Variants in GABBR2 observed in about 807,000 individuals in gnomAD.
GABBR2 encodes the protein gamma-aminobutyric acid type B receptor subunit 2.
In GABBR2, 23 loss-of-function variants were observed where a neutral mutation model predicts 105.6. The observed-to-expected ratio is 0.22, with a 90% CI of 0.16 to 0.31. GABBR2 has a LOEUF of 0.31. GABBR2 is among the 10% of genes least tolerant of loss of function. The pLI is 1.00. For synonymous variants in GABBR2, 478 were observed against 499.7 expected (o/e 0.96, Z 0.58); for missense variants, 734 against 1,245.5 (o/e 0.59, Z 6.18).
At chr9:98,665,978 C>T (rs953281221) in intron 1 of GABBR2, among the ~76,000 whole-genome samples, 2 of 152,238 alleles carry the variant, frequency 1.3e-5, no homozygotes, top group Admixed American at 6.5e-5. Context: ...TTAGCCAGCA[C>T]CACTGTCTGT....
At chr9:98,664,235 G>A (rs924039873) in intron 1 of GABBR2, among the ~76,000 whole-genome samples, 2 of 152,198 alleles carry the variant, frequency 1.3e-5, no homozygotes, top group African/African-American at 4.8e-5. Flanking sequence ...ACGGCATCCT[G>A]CTGGGGGTGG....
intron 3 of GABBR2, among the ~76,000 whole-genome samples, chr9:98,498,484 T>C (rs979936179): frequency 5.3e-5 from 8 of 152,342 alleles, no homozygotes; most frequent in African/African-American, 1.4e-4. Context: ...AATCTGGCCT[T>C]AAATGTCACA....
intron 3 of GABBR2, among the ~76,000 whole-genome samples, chr9:98,536,456 T>A (rs186851597): frequency 1.3e-5 from 2 of 152,136 alleles, no homozygotes; most frequent in African/African-American, 4.8e-5. Context: ...GGGTAGACCA[T>A]AAGACTTGAA....
intron 9 of GABBR2, 42 bp from the exon 10 acceptor site, chr9:98,389,046 T>C (rs1832131449): frequency 6.4e-7 from 1 of 1,568,532 alleles, no homozygotes; most frequent in Non-Finnish European, 8.7e-7. Context: ...CCAATGCAAG[T>C]CATTCCCCGA....
intron 1 of GABBR2, among the ~76,000 whole-genome samples, chr9:98,631,462 T>G (rs907055906): frequency 6.6e-6 from 1 of 152,218 alleles, no homozygotes; most frequent in African/African-American, 2.4e-5. Context: ...ATTCAACACA[T>G]TGAGGATAAA....
chr9:98,295,512 A>G (rs1490948127), intron 17 of GABBR2, among the ~76,000 whole-genome samples: 1 of 151,150 alleles, frequency 6.6e-6, no homozygotes, highest in African/African-American at 2.5e-5. Flanking sequence ...TGCTAATTAA[A>G]CCATATATAT....
At chr9:98,441,039 C>A (rs993695313) in intron 7 of GABBR2, among the ~76,000 whole-genome samples, 2 of 152,060 alleles carry the variant, frequency 1.3e-5, no homozygotes, top group Non-Finnish European at 2.9e-5. Context: ...GTGGGGCTAC[C>A]ACTAATGTTT....
intron 13 of GABBR2, among the ~76,000 whole-genome samples, chr9:98,344,600 G>C (rs1444977020): frequency 6.6e-6 from 1 of 152,038 alleles, no homozygotes; most frequent in African/African-American, 2.4e-5. Flanking sequence ...GCTCTCTCTT[G>C]ACCATCTGCC....
Position 98,454,744 on chromosome 9 carries a change from T to C in GABBR2, c.1000-527A>G, listed in dbSNP as rs1400133310. On this transcript the variant is annotated intron_variant, in intron 6 of 18. Transcript: ENST00000259455. The surrounding 1 kb of genome is among the most constrained non-coding windows in gnomAD (Gnocchi z 4.6). ...TCAGCAGCACAGAGGGAGCTGACAG[T>C]GTGCTGCTCAGCCCACCCCTCCCCT... Among the ~76,000 whole-genome samples, 2 of 152,126 alleles carry C rather than the reference T, an allele frequency of 1.3e-5. No homozygotes were observed. The highest frequency in any genetic ancestry group is 1.3e-4 in the Admixed American group (2 of 15,274).
At chr9:98,318,906 TG>T (rs1830769515) in intron 13 of GABBR2, among the ~76,000 whole-genome samples, 1 of 131,556 alleles carries the variant, frequency 7.6e-6, no homozygotes, top group Admixed American at 7.7e-5. Flanking sequence ...TGTGTGTGTG[TG>T]TGTGTGTTGG....
intron 10 of GABBR2, 119 bp from the exon 11 acceptor site, chr9:98,385,891 G>A: frequency 1.3e-6 from 1 of 775,970 alleles, no homozygotes; most frequent in South Asian, 1.8e-5. Context: ...GGGAGAGAGA[G>A]AAACAGAAAT....
chr9:98,670,679 C>T (rs1830396254), intron 1 of GABBR2, among the ~76,000 whole-genome samples: 1 of 152,168 alleles, frequency 6.6e-6, no homozygotes, highest in African/African-American at 2.4e-5. Flanking sequence ...ACATATGCTA[C>T]AACATGGATG....
At chr9:98,684,740 C>G (rs1830599348) in intron 1 of GABBR2, among the ~76,000 whole-genome samples, 1 of 152,182 alleles carries the variant, frequency 6.6e-6, no homozygotes, top group African/African-American at 2.4e-5. Flanking sequence ...AGAGTGAAAG[C>G]AACATCTATG....
At chr9:98,336,071 G>C (rs1055046101) in intron 13 of GABBR2, among the ~76,000 whole-genome samples, 1 of 152,230 alleles carries the variant, frequency 6.6e-6, no homozygotes, top group Non-Finnish European at 1.5e-5. Flanking sequence ...AGGTGAGAAA[G>C]AATGTTGGGG....
intron 7 of GABBR2, among the ~76,000 whole-genome samples, chr9:98,436,886 T>TA (rs1397945537): frequency 2.0e-5 from 3 of 152,160 alleles, no homozygotes; most frequent in Non-Finnish European, 4.4e-5. Context: ...ATCTCTAGGC[T>TA]AAATCTGCTA....
rs151200710 is a variant in GABBR2, at chr9:98,681,509, A to G, written c.321+26908T>C. Among the ~76,000 whole-genome samples, 1,402 of 151,566 alleles carry G rather than the reference A, an allele frequency of 9.3e-3. 26 individuals carry two copies. The highest frequency in any genetic ancestry group is 0.032 in the African/African-American group (1,335 of 41,222). On this transcript the variant is annotated intron_variant, in intron 1 of 18. Coordinates refer to ENST00000259455, the MANE Select transcript of GABBR2 (RefSeq NM_005458.8). ...GCTAGATGACGAGTTGGTGCAGCGT[A>G]CCAGCATGGCACATGTATACATATG...
intron 13 of GABBR2, among the ~76,000 whole-genome samples, chr9:98,354,478 T>TGA (rs1831453035): frequency 6.6e-6 from 1 of 152,264 alleles, no homozygotes; most frequent in South Asian, 2.1e-4. Flanking sequence ...AATGTGTTGT[T>TGA]TAGTGTAGCC....
At chr9:98,316,508 CATT>C (rs1008380745) in intron 13 of GABBR2, among the ~76,000 whole-genome samples, 12 of 152,308 alleles carry the variant, frequency 7.9e-5, no homozygotes, top group African/African-American at 2.9e-4. Flanking sequence ...CCTAAGAAAT[CATT>C]CATTCATTCA....
At chr9:98,501,251 G>A (rs2779555) in intron 3 of GABBR2, among the ~76,000 whole-genome samples, 8,157 of 149,342 alleles carry the variant, frequency 0.055, 316 homozygotes, top group South Asian at 0.15. Context: ...TGCAATCTCC[G>A]CCTCTCAGCT....
Sources: allele counts gnomAD v4.1 joint callset (sites outside exome capture counted in the v4.1 genomes callset), GRCh38; gene constraint gnomAD v4.1.1; non-coding constraint Gnocchi (gnomAD v3.1); transcripts MANE v1.5; gene names NCBI Gene and HGNC (gene_info 2026-07-23, HGNC 2026-07-21).